The following KIF1A variants were observed in gnomAD, a reference collection of about 807,000 sequenced individuals.
KIF1A encodes kinesin family member 1A.
In KIF1A, 46 loss-of-function variants were observed where a neutral mutation model predicts 227.3. The observed-to-expected ratio is 0.20, with a 90% CI of 0.16 to 0.26. The LOEUF is 0.26. Among genes scored for constraint, KIF1A ranks in the 10% least tolerant of loss-of-function variants. The pLI is 1.00. For missense variants in KIF1A, 1,683 were observed against 2,485.9 expected (o/e 0.68, Z 6.87); for synonymous variants, 1,022 against 1,012.8 (o/e 1.01, Z -0.17).
At chr2:240,735,438 C>G (rs2047206148) in intron 38 of KIF1A, among the ~76,000 whole-genome samples, 1 of 152,130 alleles carries the variant, frequency 6.6e-6, no homozygotes, top group African/African-American at 2.4e-5. Flanking sequence ...TGAGGAAGAC[C>G]TCAGAAACTC....
At position 240,746,156 on chromosome 2, in the gene KIF1A, C is replaced by T. The variant is rs183359489; in HGVS notation, c.3085G>A (p.Val1029Met). 3,900 of 1,565,742 alleles carry T rather than the reference C, an allele frequency of 2.5e-3. 13 individuals are homozygous for T. Among genetic ancestry groups the T allele is most frequent in the Middle Eastern group, 9.0e-3 (54 of 6,016 alleles). The change falls in exon 30 of 49, where the codon GTG becomes ATG. Residue 1029 changes from valine to methionine, a missense_variant. Around this residue, in one of 12 missense-constraint regions of KIF1A, gnomAD observed 759 missense variants for 1,020.2 expected, o/e 0.74. Coordinates refer to ENST00000498729, the MANE Select transcript of KIF1A (RefSeq NM_001244008.2). ...GTTCCCGAGCGGGACATCCCCACCA[C>T]GGGGCAAGACTCGGACTGGAACTGA... ...FEKFQSESCP[V>M]VGMSRSGTSQ...
At chr2:240,797,600 C>G (rs10167412) in intron 2 of KIF1A, 47 bp downstream of exon 2, 2 of 1,366,418 alleles carry the variant, frequency 1.5e-6, no homozygotes, top group Non-Finnish European at 2.1e-6. Context: ...GACCATGGCC[C>G]CCAGCAACCC....
intron 1 of KIF1A, among the ~76,000 whole-genome samples, chr2:240,808,539 G>A (rs1036274457): frequency 6.6e-6 from 1 of 151,596 alleles, no homozygotes; most frequent in Non-Finnish European, 1.5e-5. Context: ...CAGGAGTAGT[G>A]GCAACATCTG....
intron 20 of KIF1A, among the ~76,000 whole-genome samples, 174 bp downstream of exon 20, chr2:240,765,536 T>G (rs2051062514): frequency 6.6e-6 from 1 of 152,198 alleles, no homozygotes. Flanking sequence ...GTTGGGGGAC[T>G]GGGGAGGCAC....
In KIF1A at chr2:240,820,109, G is replaced by A. The variant is rs1314973633; in HGVS notation, c.-61+13C>T. 35 of 150,952 alleles carry A rather than the reference G, an allele frequency of 2.3e-4. No individual in the cohort carries two copies. The highest frequency in any genetic ancestry group is 7.8e-4 in the African/African-American group (32 of 41,138). 9.4% of individuals were successfully genotyped at this position (150,952 alleles called of 1,614,324 possible). A position where few individuals can be genotyped will look rare whatever the true frequency, so the allele number is the denominator to read the frequency against. On this transcript the variant is annotated intron_variant, in intron 1 of 48. Coordinates refer to ENST00000498729, the MANE Select transcript of KIF1A (RefSeq NM_001244008.2). This position sits in a 1 kb window ranked among gnomAD's most constrained non-coding sequence, Gnocchi z 6.2. ...GGCGCGGGCGCGGGAGGCCGGGCGGGCGGCGGCCTTACCTCTCCGGCGTCA... is the reference window on the plus strand; with the variant it reads ...GGCGCGGGCGCGGGAGGCCGGGCGGACGGCGGCCTTACCTCTCCGGCGTCA...
chr2:240,728,300 T>C (rs1003678274), intron 38 of KIF1A: 22 of 813,986 alleles, frequency 2.7e-5, no homozygotes, highest in Non-Finnish European at 3.3e-5. Flanking sequence ...AGAAAGGGCA[T>C]AGAAGCAGGC....
At chr2:240,743,397 G>C (rs940698705) in intron 33 of KIF1A, among the ~76,000 whole-genome samples, 1 of 152,214 alleles carries the variant, frequency 6.6e-6, no homozygotes, top group Non-Finnish European at 1.5e-5. Context: ...CTCTGCACTC[G>C]AGGTGCCCAG....
intron 38 of KIF1A, among the ~76,000 whole-genome samples, chr2:240,735,286 T>G (rs1320316256): frequency 6.6e-6 from 1 of 152,170 alleles, no homozygotes; most frequent in East Asian, 1.9e-4. Flanking sequence ...AGAGGCACCC[T>G]GGGACCGGCC....
rs1482553916 is a variant in KIF1A, at chr2:240,778,947, TAC to T, written c.883-3023_883-3022del. Among the ~76,000 whole-genome samples the T allele has an allele frequency of 2.0e-5, 3 of 151,858 alleles. No individual in the cohort carries two copies. The highest frequency in any genetic ancestry group is 4.4e-5 in the Non-Finnish European group (3 of 67,986). On this transcript the variant is annotated intron_variant, in intron 10 of 48. Transcript: ENST00000498729. The surrounding 1 kb of genome is among the most constrained non-coding windows in gnomAD (Gnocchi z 7.2). ...CATTCGCCCGTGTGCACCCCGTTCC[TAC>T]ACACAGCGCTCCACACGGCTCCTCA...
chr2:240,783,528 CA>C (rs2054341731), intron 8 of KIF1A, among the ~76,000 whole-genome samples: 1 of 152,200 alleles, frequency 6.6e-6, no homozygotes, highest in South Asian at 2.1e-4. Flanking sequence ...ACCGTCCCGC[CA>C]AACCCCTGAC....
rs2045904470 is a variant in KIF1A at position 240,725,480 on chromosome 2, G to A, written c.4123-76C>T. The A allele has an allele frequency of 1.3e-6, 2 of 1,534,632 alleles. No homozygotes were observed. Among genetic ancestry groups the A allele is most frequent in the Admixed American group, 1.8e-5 (1 of 55,592 alleles). ...GGTGCCCTTCCAGCCTTCTCCTGGG[G>A]GCACAATGCCCAGCACCGACAGGCA... On this transcript the variant is annotated intron_variant, in intron 39 of 48. Coordinates refer to ENST00000498729, the MANE Select transcript of KIF1A (RefSeq NM_001244008.2). This position sits in a 1 kb window ranked among gnomAD's most constrained non-coding sequence, Gnocchi z 5.8.
chr2:240,751,516 T>G (rs1178919814), intron 27 of KIF1A, among the ~76,000 whole-genome samples: 2 of 152,140 alleles, frequency 1.3e-5, no homozygotes, highest in Non-Finnish European at 2.9e-5. Context: ...CTGACCTTCC[T>G]GCAGCAGCAA....
rs569279457 is a variant in KIF1A, at chr2:240,782,225, T to G, written c.882+365A>C. ...ACGGCTGCTCAGAGTCCAGCACGCC[T>G]GTCACCCGCTTCCTCTCAGGGCTCC... On this transcript the variant is annotated intron_variant, in intron 10 of 48. Coordinates refer to ENST00000498729, the MANE Select transcript of KIF1A (RefSeq NM_001244008.2). The G allele has an allele frequency of 1.3e-5, 13 of 983,254 alleles. No homozygotes were observed. The South Asian group carries it at 4.2e-4, about 32-fold the overall frequency. The allele number at this position is 983,254 out of a possible 1,614,324, so 60.9% of individuals were successfully genotyped here.
In KIF1A at chr2:240,718,154, G is replaced by C. The variant is rs377694236; in HGVS notation, c.5229C>G (p.Phe1743Leu). 1 of 1,604,458 alleles carries C rather than the reference G, an allele frequency of 6.2e-7. No homozygotes were observed. Among genetic ancestry groups the C allele is most frequent in the Non-Finnish European group, 8.5e-7 (1 of 1,176,018 alleles). The part of the protein sequence containing the change: ...QQAMLKTPNT[F>L]AVCTEHRGIL... ...TGCCGCGGTGTTCCGTGCACACCGC[G>C]AATGTGTTGGGTGTCTGCAGAGGGA... Residue 1743 changes from phenylalanine to leucine, a missense_variant, in exon 48 of 49, where the codon TTC becomes TTG. This residue lies in a region of KIF1A where 384 missense variants were observed against 410.1 expected (regional missense o/e 0.94). Transcript: ENST00000498729.
intron 48 of KIF1A, 76 bp downstream of exon 48, chr2:240,717,974 A>G (rs2125558225): frequency 1.1e-6 from 1 of 926,932 alleles, no homozygotes; most frequent in South Asian, 1.4e-5. Context: ...GCAGGGCCCT[A>G]TCAAATGGTC....
rs774242532 is a variant in KIF1A at position 240,741,316 on chromosome 2, G to A, written c.3702C>T (p.Tyr1234=). ...RPCPGPCHCK[Y]DLLVYFEICE... Reference sequence around the variant, plus strand: ...AGATCTCGAAGTAGACCAGCAGGTCGTACTTGCAGTGGCAGGGTCCCGGAC... The same window carrying A: ...AGATCTCGAAGTAGACCAGCAGGTCATACTTGCAGTGGCAGGGTCCCGGAC... The change falls in exon 35 of 49, where the codon TAC becomes TAT. Residue 1234 remains tyrosine (Y), a synonymous_variant. Transcript: ENST00000498729. The A allele has an allele frequency of 9.4e-6, 15 of 1,600,334 alleles. No individual in the cohort carries two copies. The highest frequency in any genetic ancestry group is 1.6e-4 in the Middle Eastern group (1 of 6,066).
At position 240,736,392 on chromosome 2, in the gene KIF1A, G is replaced by T. The variant is rs375690450; in HGVS notation, c.4007+671C>A. ...GCGTCTGGGACGCAGTGGAGCCCGC[G>T]GGACGTCCCCACCCACCAGGGCTGC... On this transcript the variant is annotated intron_variant, in intron 38 of 48. Coordinates refer to ENST00000498729, the MANE Select transcript of KIF1A (RefSeq NM_001244008.2). This position sits in a 1 kb window ranked among gnomAD's most constrained non-coding sequence, Gnocchi z 4.7. Among the ~76,000 whole-genome samples the T allele has an allele frequency of 1.3e-5, 2 of 151,916 alleles. No individual in the cohort carries two copies. The highest frequency in any genetic ancestry group is 3.9e-4 in the East Asian group (2 of 5,088).
At chr2:240,742,865 C>T (rs2048151318) in intron 34 of KIF1A, 64 bp downstream of exon 34, 2 of 1,425,716 alleles carry the variant, frequency 1.4e-6, no homozygotes, top group Non-Finnish European at 2.0e-6. Flanking sequence ...GGGGCCCAGC[C>T]CACTACAGCA....
At position 240,760,881 on chromosome 2, in the gene KIF1A, G is replaced by C. The variant is rs751674955; in HGVS notation, c.2266-38C>G. The C allele has an allele frequency of 5.1e-6, 8 of 1,578,370 alleles. 1 individual carries two copies. The South Asian group carries it at 9.4e-5, about 19-fold the overall frequency. Reference sequence around the variant, plus strand: ...AAGATGACCACTCGTCAGCTCCTTGGGGGACAGGGTGCCAGGTCCCCAAAA... The same window carrying C: ...AAGATGACCACTCGTCAGCTCCTTGCGGGACAGGGTGCCAGGTCCCCAAAA... On this transcript the variant is annotated intron_variant, in intron 24 of 48. Coordinates refer to ENST00000498729, the MANE Select transcript of KIF1A (RefSeq NM_001244008.2).
Sources: gnomAD v4.1 joint callset for allele counts (sites outside exome capture counted in the v4.1 genomes callset) on GRCh38, gnomAD v4.1.1 for gene constraint, gnomAD v4.1.1 regional missense constraint, Gnocchi (gnomAD v3.1) non-coding constraint, MANE v1.5 for transcripts, NCBI Gene and HGNC (gene_info 2026-07-23, HGNC 2026-07-21) for gene names.